Variants in CDK15 observed in about 807,000 individuals in gnomAD.
CDK15 encodes the protein cyclin-dependent kinase 15.
In CDK15, 62 loss-of-function variants were observed where a neutral mutation model predicts 60.3. That is an observed-to-expected ratio of 1.03 (90% CI 0.84 to 1.27). CDK15 has a LOEUF of 1.27. Ranked by LOEUF, CDK15 falls within the 50% of genes most tolerant of loss-of-function variation. The probability of loss-of-function intolerance (pLI) is 0.00; values close to 1 mark genes in which losing one functional copy is unlikely to be tolerated. For missense variants in CDK15, 541 were observed against 527.8 expected (o/e 1.03, Z -0.25); for synonymous variants, 194 against 195.7 (o/e 0.99, Z 0.07).
chr2:201,825,312 C>CA (rs200857853), intron 6 of CDK15, among the ~76,000 whole-genome samples: 4,396 of 86,730 alleles, frequency 0.051, 128 homozygotes, highest in African/African-American at 0.073. Context: ...GACTCCAACT[C>CA]AAAAAAAAAA....
intron 6 of CDK15, among the ~76,000 whole-genome samples, chr2:201,829,010 T>C (rs539023466): frequency 2.0e-5 from 3 of 152,156 alleles, no homozygotes; most frequent in East Asian, 3.9e-4. Flanking sequence ...ATTTTAGGAG[T>C]TGGCTGTCAG....
upstream of CDK15, chr2:201,806,472 T>C (rs2106143109): frequency 4.3e-6 from 2 of 461,758 alleles, no homozygotes; most frequent in East Asian, 3.5e-5. Flanking sequence ...AAGCAATCCC[T>C]GTCTGATGTG....
chr2:201,828,951 C>T (rs1257959593), intron 6 of CDK15, among the ~76,000 whole-genome samples: 1 of 152,158 alleles, frequency 6.6e-6, no homozygotes, highest in Non-Finnish European at 1.5e-5. Context: ...AATGGTCTGC[C>T]AGCTATCAGT....
intron 11 of CDK15, chr2:201,876,687 G>GC: frequency 1.7e-6 from 1 of 594,366 alleles, no homozygotes; most frequent in African/African-American, 2.0e-5. Context: ...GGTGAGGGTA[G>GC]GTTCTGTTGG....
At chr2:201,834,417 A>G (rs192362391) in intron 7 of CDK15, among the ~76,000 whole-genome samples, 6 of 152,330 alleles carry the variant, frequency 3.9e-5, no homozygotes, top group Non-Finnish European at 8.8e-5. Context: ...CCTTCTTTAT[A>G]TAAGTGTGAG....
At chr2:201,848,253 T>C (rs1015983431) in intron 9 of CDK15, among the ~76,000 whole-genome samples, 2 of 152,210 alleles carry the variant, frequency 1.3e-5, no homozygotes, top group Non-Finnish European at 2.9e-5. Context: ...TGCAGCTCCA[T>C]TTCTTAATTC....
intron 11 of CDK15, among the ~76,000 whole-genome samples, chr2:201,875,936 C>T (rs1367373553): frequency 1.3e-5 from 2 of 152,170 alleles, no homozygotes; most frequent in Admixed American, 1.3e-4. Context: ...TGAAATGTTA[C>T]TAGAAGGACT....
intron 12 of CDK15, among the ~76,000 whole-genome samples, chr2:201,881,845 G>A (rs1699289127): frequency 6.6e-6 from 1 of 151,870 alleles, no homozygotes; most frequent in African/African-American, 2.4e-5. Context: ...GTCAGACTTG[G>A]GACTTATAAC....
At chr2:201,862,207 C>T (rs192349795) in intron 10 of CDK15, among the ~76,000 whole-genome samples, 140 of 152,302 alleles carry the variant, frequency 9.2e-4, no homozygotes, top group African/African-American at 3.3e-3. Flanking sequence ...CAGGGCCTTT[C>T]CCTGGGAGAA....
chr2:201,832,084 C>T (rs1052617535), intron 6 of CDK15, among the ~76,000 whole-genome samples: 2 of 151,676 alleles, frequency 1.3e-5, no homozygotes, highest in African/African-American at 4.8e-5. Context: ...CTTGCTCTGC[C>T]ACCCAGGCTG....
chr2:201,875,120 A>G (rs1286095133), intron 11 of CDK15, among the ~76,000 whole-genome samples: 1 of 152,064 alleles, frequency 6.6e-6, no homozygotes, highest in Non-Finnish European at 1.5e-5. Context: ...ACAAAACTCA[A>G]TTTTCATTTT....
chr2:201,871,898 C>T (rs993654784), intron 10 of CDK15, among the ~76,000 whole-genome samples: 2 of 151,966 alleles, frequency 1.3e-5, no homozygotes, highest in African/African-American at 2.4e-5. Flanking sequence ...CTCTGACGCA[C>T]GTCTATTTCT....
At chr2:201,884,291 A>T (rs1217780169) in intron 12 of CDK15, among the ~76,000 whole-genome samples, 1 of 152,112 alleles carries the variant, frequency 6.6e-6, no homozygotes, top group Non-Finnish European at 1.5e-5. Flanking sequence ...CTCCTTTAAA[A>T]CAGGTTTTAG....
At chr2:201,840,156 T>C (rs1697314179) in intron 8 of CDK15, among the ~76,000 whole-genome samples, 1 of 152,086 alleles carries the variant, frequency 6.6e-6, no homozygotes, top group Non-Finnish European at 1.5e-5. Context: ...GGCTAATTTT[T>C]GTAGTTTTAG....
At chr2:201,821,610 T>A (rs545423054) in intron 4 of CDK15, among the ~76,000 whole-genome samples, 153 of 152,288 alleles carry the variant, frequency 1.0e-3, no homozygotes, top group African/African-American at 3.6e-3. Flanking sequence ...TCCTTTACTT[T>A]TCCTTTCCTT....
intron 6 of CDK15, among the ~76,000 whole-genome samples, chr2:201,825,642 G>A (rs1040532114): frequency 2.6e-5 from 4 of 152,282 alleles, no homozygotes; most frequent in Non-Finnish European, 4.4e-5. Context: ...GCACCATCGC[G>A]GGACTTTTTT....
intron 9 of CDK15, among the ~76,000 whole-genome samples, chr2:201,851,036 A>G (rs763854691): frequency 3.3e-5 from 5 of 152,146 alleles, no homozygotes; most frequent in African/African-American, 4.8e-5. Context: ...TCATGCCTGT[A>G]ATCCCAGCAC....
At chr2:201,841,288 A>G (rs1469629126) in intron 8 of CDK15, among the ~76,000 whole-genome samples, 1 of 152,272 alleles carries the variant, frequency 6.6e-6, no homozygotes, top group Non-Finnish European at 1.5e-5. Context: ...ACCATGAGCA[A>G]CAATGACACA....
chr2:201,830,611 T>G (rs904311593), intron 6 of CDK15, among the ~76,000 whole-genome samples: 2 of 152,144 alleles, frequency 1.3e-5, no homozygotes, highest in Non-Finnish European at 2.9e-5. Flanking sequence ...GAGCTGAGGT[T>G]GGCTAGAGCT....
Sources: allele counts gnomAD v4.1 joint callset (sites outside exome capture counted in the v4.1 genomes callset), GRCh38; gene constraint gnomAD v4.1.1; transcripts MANE v1.5; gene names NCBI Gene and HGNC (gene_info 2026-07-23, HGNC 2026-07-21).